The following CSMD2 variants were observed in gnomAD, a reference collection of about 807,000 sequenced individuals.
CSMD2 encodes the protein CUB and Sushi multiple domains 2.
CSMD2 carries 130 observed loss-of-function variants against 398.5 expected under a neutral mutation model. The ratio of observed to expected loss-of-function variants is 0.33; its 90% CI spans 0.28 to 0.38. CSMD2 has a LOEUF of 0.38. CSMD2 is among the 10% of genes least tolerant of loss of function. The pLI, the probability that CSMD2 is intolerant of heterozygous loss-of-function variation, is 1.00. For synonymous variants in CSMD2, 1,828 were observed against 1,908.5 expected (o/e 0.96, Z 1.10); for missense variants, 3,829 against 4,764.9 (o/e 0.80, Z 5.78).
At chr1:33,694,502 T>C (rs1571247984) in intron 24 of CSMD2, among the ~76,000 whole-genome samples, 2 of 152,252 alleles carry the variant, frequency 1.3e-5, no homozygotes, top group South Asian at 4.2e-4. Flanking sequence ...GAGTGAGCTC[T>C]CACGAGATCT....
intron 16 of CSMD2, among the ~76,000 whole-genome samples, chr1:33,725,747 T>C (rs1646509331): frequency 6.6e-6 from 1 of 152,154 alleles, no homozygotes; most frequent in Non-Finnish European, 1.5e-5. Context: ...GGTTGGAAAC[T>C]GCTCTCATCC....
At chr1:33,741,889 T>A (rs1226103806) in intron 14 of CSMD2, among the ~76,000 whole-genome samples, 3 of 152,164 alleles carry the variant, frequency 2.0e-5, no homozygotes, top group Non-Finnish European at 4.4e-5. Flanking sequence ...CAGGATACCT[T>A]TTATCCTTGT....
At chr1:34,157,615 C>T (rs1640929976) in intron 1 of CSMD2, among the ~76,000 whole-genome samples, 1 of 147,362 alleles carries the variant, frequency 6.8e-6, no homozygotes, top group South Asian at 2.2e-4. Flanking sequence ...CCCCACCTCA[C>T]CCCCCATCCC....
chr1:33,794,466 G>A (rs1318775817), intron 10 of CSMD2, among the ~76,000 whole-genome samples: 1 of 152,168 alleles, frequency 6.6e-6, no homozygotes, highest in East Asian at 1.9e-4. Flanking sequence ...AGCAACCCAG[G>A]CAGAGGGAAA....
chr1:33,533,975 C>G lies in CSMD2; in HGVS notation c.9880-68G>C. ...GGTGCTTCCTACGTCTGTCCCTTGA[C>G]CACTTTCACATGGCCCAACTCCTCC... On this transcript the variant is annotated intron_variant, in intron 62 of 70. Coordinates refer to ENST00000373381, the MANE Select transcript of CSMD2 (RefSeq NM_001281956.2). This position sits in a 1 kb window ranked among gnomAD's most constrained non-coding sequence, Gnocchi z 4.2. The G allele has an allele frequency of 1.0e-6, 1 of 955,510 alleles. No homozygotes were observed. Among genetic ancestry groups the G allele is most frequent in the Non-Finnish European group, 1.7e-6 (1 of 597,222 alleles). 59.2% of individuals were successfully genotyped at this position (955,510 alleles called of 1,614,324 possible).
chr1:33,847,598 C>G (rs1452802876), intron 5 of CSMD2, among the ~76,000 whole-genome samples: 1 of 152,052 alleles, frequency 6.6e-6, no homozygotes, highest in African/African-American at 2.4e-5. Context: ...CACATGTTAG[C>G]TTAATAAATA....
At chr1:33,545,773 A>G (rs1377327855) in intron 57 of CSMD2, among the ~76,000 whole-genome samples, 1 of 152,212 alleles carries the variant, frequency 6.6e-6, no homozygotes. Flanking sequence ...GAATGAAACT[A>G]TATGGGAAAT....
intron 41 of CSMD2, among the ~76,000 whole-genome samples, chr1:33,607,934 C>A (rs545512227): frequency 3.9e-4 from 59 of 152,184 alleles, no homozygotes; most frequent in Non-Finnish European, 5.9e-4. Flanking sequence ...CAACTCGCTG[C>A]CCCCTGGCCT....
chr1:33,750,436 T>C (rs1648063574), intron 13 of CSMD2, among the ~76,000 whole-genome samples: 1 of 152,112 alleles, frequency 6.6e-6, no homozygotes, highest in African/African-American at 2.4e-5. Context: ...AGTCCAAATG[T>C]TAAATTAATC....
chr1:34,041,750 C>T (rs1366640201), intron 2 of CSMD2, among the ~76,000 whole-genome samples: 2 of 152,170 alleles, frequency 1.3e-5, no homozygotes, highest in Non-Finnish European at 1.5e-5. Flanking sequence ...ACTGTCTCCA[C>T]ATCCCTAGGG....
intron 2 of CSMD2, among the ~76,000 whole-genome samples, chr1:34,083,403 G>A (rs1657496548): frequency 6.6e-6 from 1 of 152,152 alleles, no homozygotes; most frequent in Non-Finnish European, 1.5e-5. Flanking sequence ...AATTAATTAT[G>A]AGTGGAACAT....
At chr1:33,831,789 T>A (rs1221824696) in intron 6 of CSMD2, among the ~76,000 whole-genome samples, 5 of 151,706 alleles carry the variant, frequency 3.3e-5, no homozygotes, top group African/African-American at 1.2e-4. Context: ...GAGACACACA[T>A]AGGCTCAAAA....
intron 56 of CSMD2, 27 bp from the exon 57 acceptor site, chr1:33,546,246 A>G: frequency 1.3e-6 from 2 of 1,590,188 alleles, no homozygotes; most frequent in East Asian, 2.3e-5. Context: ...CACAAATCCC[A>G]TTATTTTTCA....
intron 1 of CSMD2, among the ~76,000 whole-genome samples, chr1:34,147,279 AT>A (rs1380388711): frequency 1.3e-5 from 2 of 152,164 alleles, no homozygotes; most frequent in Admixed American, 1.3e-4. Flanking sequence ...AAATAAAAAA[AT>A]AAAGAAATAA....
chr1:33,973,800 C>G (rs1353468330), intron 3 of CSMD2, among the ~76,000 whole-genome samples: 1 of 152,072 alleles, frequency 6.6e-6, no homozygotes, highest in Non-Finnish European at 1.5e-5. Flanking sequence ...GGAGAAGGTG[C>G]CTTCTAGTTT....
At chr1:33,902,072 A>G (rs1642793716) in intron 5 of CSMD2, among the ~76,000 whole-genome samples, 1 of 152,346 alleles carries the variant, frequency 6.6e-6, no homozygotes, top group Admixed American at 6.5e-5. Context: ...CCATGATTTT[A>G]CAGAGGTGGG....
intron 2 of CSMD2, among the ~76,000 whole-genome samples, chr1:34,053,067 A>C (rs774665465): frequency 7.9e-5 from 12 of 152,036 alleles, no homozygotes; most frequent in Non-Finnish European, 1.5e-4. Flanking sequence ...AACTACTTTT[A>C]AACAAAAGCC....
intron 3 of CSMD2, among the ~76,000 whole-genome samples, chr1:33,988,207 C>T (rs765717998): frequency 2.0e-5 from 3 of 152,182 alleles, no homozygotes; most frequent in African/African-American, 7.2e-5. Flanking sequence ...GTGAAATCTG[C>T]GAAAGTCACT....
Position 33,687,414 on chromosome 1 carries a change from G to T in CSMD2, c.4052+5516C>A, listed in dbSNP as rs188782146. 3.5e-4 allele frequency among the ~76,000 whole-genome samples: 53 copies of T among 152,200 alleles called. No individual in the cohort carries two copies. In the South Asian group the frequency reaches 0.011, roughly 30 times the overall value. Reference sequence around the variant, plus strand: ...AAGCAAGATTTCCAAAACAAAAAGAGGGTAAAGAACAGGATAATTACTGTT... The same window carrying T: ...AAGCAAGATTTCCAAAACAAAAAGATGGTAAAGAACAGGATAATTACTGTT... On this transcript the variant is annotated intron_variant, in intron 25 of 70. Transcript: ENST00000373381.
Sources: allele counts gnomAD v4.1 joint callset (sites outside exome capture counted in the v4.1 genomes callset), GRCh38; gene constraint gnomAD v4.1.1; non-coding constraint Gnocchi (gnomAD v3.1); transcripts MANE v1.5; gene names NCBI Gene and HGNC (gene_info 2026-07-23, HGNC 2026-07-21).